The following ESRRA variants were observed in gnomAD, a reference collection of about 807,000 sequenced individuals.
ESRRA encodes steroid hormone receptor ERR1.
In ESRRA, 7 loss-of-function variants were observed where a neutral mutation model predicts 35.6. That is an observed-to-expected ratio of 0.20 (90% CI 0.11 to 0.37). The LOEUF (loss-of-function observed/expected upper bound fraction) is 0.37, where lower values mean the gene tolerates loss of function less well. Among genes scored for constraint, ESRRA ranks in the 10% least tolerant of loss-of-function variants. The pLI, the probability that ESRRA is intolerant of heterozygous loss-of-function variation, is 1.00. For synonymous variants in ESRRA, 223 were observed against 246.9 expected, an observed-to-expected ratio of 0.90 and a Z score of 0.91; for missense variants, 378 against 561.7, an observed-to-expected ratio of 0.67 and a Z score of 3.31.
chr11:64,307,084 C>T (rs529323532), intron 1 of ESRRA, 84 bp from the exon 2 acceptor site: 8 of 1,233,904 alleles, frequency 6.5e-6, no homozygotes, highest in Admixed American at 2.4e-5. Flanking sequence ...GCCCTAGGCC[C>T]GAGGTTGGGC....
At position 64,313,003 on chromosome 11, in the gene ESRRA, G is replaced by A. The variant is rs2035172364; in HGVS notation, c.326-948G>A. ...AGAAGGGAAATCCCCAGAGGGTTTT[G>A]AGAAGAGGAGGTACAGGATGTAATG... On this transcript the variant is annotated intron_variant, in intron 2 of 6. Transcript: ENST00000000442. The surrounding 1 kb of genome is among the most constrained non-coding windows in gnomAD (Gnocchi z 4.0). Among the ~76,000 whole-genome samples the A allele has an allele frequency of 6.6e-6, 1 of 152,176 alleles. No individual in the cohort carries two copies. Among genetic ancestry groups the A allele is most frequent in the Non-Finnish European group, 1.5e-5 (1 of 68,030 alleles).
At chr11:64,307,845 G>A (rs1342581212) in intron 2 of ESRRA, among the ~76,000 whole-genome samples, 2 of 152,038 alleles carry the variant, frequency 1.3e-5, no homozygotes, top group African/African-American at 4.8e-5. Flanking sequence ...CATAGAACAT[G>A]TCCCCTTTTT....
chr11:64,315,391 G>C, intron 6 of ESRRA, 121 bp downstream of exon 6: 1 of 1,230,764 alleles, frequency 8.1e-7, no homozygotes, highest in Non-Finnish European at 1.1e-6. Context: ...GAAGAACAAT[G>C]ACTTGCTAGA....
Position 64,315,877 on chromosome 11 carries a change from G to C in ESRRA, c.1183G>C (p.Val395Leu). The C allele has an allele frequency of 6.2e-7, 1 of 1,609,820 alleles. No individual in the cohort carries two copies. Among genetic ancestry groups the C allele is most frequent in the East Asian group, 2.2e-5 (1 of 44,780 alleles). The change falls in exon 7 of 7, where the codon GTG (valine) becomes CTG (leucine). Residue 395 changes from valine to leucine, a missense_variant. Val to Leu is a conservative substitution (Grantham distance 32). This residue lies in a region of ESRRA where 284 missense variants were observed against 411.7 expected (regional missense o/e 0.69). Transcript: ENST00000000442. ...GCTCCTCCGCCAGACAGCGGGCAAA[G>C]TGCTGGCCCATTTCTATGGGGTGAA... ...LPLLRQTAGK[V>L]LAHFYGVKLE...
At position 64,313,919 on chromosome 11, in the gene ESRRA, GC is replaced by G; in HGVS notation, c.326-30del. The G allele has an allele frequency of 6.8e-7, 1 of 1,477,084 alleles. No individual in the cohort carries two copies. The highest frequency in any genetic ancestry group is 9.2e-7 in the Non-Finnish European group (1 of 1,088,750). 91.5% of individuals were successfully genotyped at this position (1,477,084 alleles called of 1,614,324 possible). A position where few individuals can be genotyped will look rare whatever the true frequency, so the allele number is the denominator to read the frequency against. On this transcript the variant is annotated intron_variant, in intron 2 of 6. Transcript: ENST00000000442. The surrounding 1 kb of genome is among the most constrained non-coding windows in gnomAD (Gnocchi z 4.0). ...CTGGGTCCCCTCCCAGCCCCGGGAG[GC>G]CGCCACTGGAGCCCTGCCTCTTCCT...
At position 64,306,949 on chromosome 11, in the gene ESRRA, G is replaced by A. The variant is rs1309865624; in HGVS notation, c.-12-219G>A. The A allele has an allele frequency of 7.3e-6, 3 of 413,762 alleles. No individual in the cohort carries two copies. In the Admixed American group the frequency reaches 1.3e-4, roughly 18 times the overall value. 25.6% of individuals were successfully genotyped at this position (413,762 alleles called of 1,614,324 possible). ...CCCCAGGTTCCCAAGGGGGAGACCTGCTGTCAGTTACTGGCCCTGAAGACT... is the reference window on the plus strand; with the variant it reads ...CCCCAGGTTCCCAAGGGGGAGACCTACTGTCAGTTACTGGCCCTGAAGACT... On this transcript the variant is annotated intron_variant, in intron 1 of 6. Coordinates refer to ENST00000000442, the MANE Select transcript of ESRRA (RefSeq NM_004451.5).
In ESRRA at chr11:64,313,830, T is replaced by G; in HGVS notation, c.326-121T>G. The stretch of plus-strand genomic sequence containing the variant: ...CCTGCCTGCTCATGGCCCCCTGCTC[T>G]CCCTTTCCTCCCCATACCCCCAGAC... On this transcript the variant is annotated intron_variant, in intron 2 of 6. Coordinates refer to ENST00000000442, the MANE Select transcript of ESRRA (RefSeq NM_004451.5). The surrounding 1 kb of genome is among the most constrained non-coding windows in gnomAD (Gnocchi z 4.0). The G allele has an allele frequency of 4.7e-6, 3 of 643,354 alleles. No individual in the cohort carries two copies. The highest frequency in any genetic ancestry group is 8.0e-6 in the Non-Finnish European group (3 of 375,236). 39.9% of individuals were successfully genotyped at this position (643,354 alleles called of 1,614,324 possible).
rs915908870 is a variant in ESRRA, at chr11:64,316,403, CCTCCT to C, written c.*441_*445del. The C allele has an allele frequency of 4.1e-5, 8 of 193,476 alleles. No homozygotes were observed. Among genetic ancestry groups the C allele is most frequent in the Non-Finnish European group, 8.7e-5 (8 of 92,036 alleles). The allele number at this position is 193,476 out of a possible 1,614,324, so 12.0% of individuals were successfully genotyped here. On this transcript the variant is annotated 3_prime_UTR_variant, in exon 7 of 7. Coordinates refer to ENST00000000442, the MANE Select transcript of ESRRA (RefSeq NM_004451.5). ...AGCAAAGGCCCATGCCCCCTTCGCT[CCTCCT>C]CTCATCATTTGCATTGGGCATTAGT...
Position 64,314,747 on chromosome 11 carries a change from C to G in ESRRA, c.578C>G (p.Pro193Arg). The change falls in exon 5 of 7, where the codon CCA becomes CGA. Residue 193 changes from proline to arginine, a missense_variant. Physicochemically the swap from Pro to Arg is moderately radical, Grantham distance 103 (BLOSUM62 -2). Transcript: ENST00000000442. ...VAGGPRKTAA[P>R]VNALVSHLLV... ...TGTCCTCTAATTGTCACAGCAGCCC[C>G]AGTGAATGCACTGGTGTCTCATCTG... The G allele has an allele frequency of 6.2e-7, 1 of 1,611,296 alleles. No homozygotes were observed. Among genetic ancestry groups the G allele is most frequent in the Non-Finnish European group, 8.5e-7 (1 of 1,179,518 alleles).
chr11:64,308,290 G>A (rs1459684014), intron 2 of ESRRA, among the ~76,000 whole-genome samples: 8 of 152,082 alleles, frequency 5.3e-5, no homozygotes, highest in East Asian at 3.9e-4. Flanking sequence ...CAAGGTGGGC[G>A]GATCACCTGA....
In ESRRA at chr11:64,316,708, T is replaced by C. The variant is rs2035279369; in HGVS notation, c.*742T>C. On this transcript the variant is annotated 3_prime_UTR_variant, in exon 7 of 7. Transcript: ENST00000000442. ...GAAACCGCTTTTGGTTTTAAACCTT[T>C]AATGAGAAAAAAATATATAATACCG... is the stretch of plus-strand genomic sequence containing the variant. 3.2e-6 allele frequency: 2 copies of C among 626,030 alleles called. No homozygotes were observed. Among genetic ancestry groups the C allele is most frequent in the South Asian group, 4.0e-5 (2 of 49,964 alleles). The allele number at this position is 626,030 out of a possible 1,614,324, so 38.8% of individuals were successfully genotyped here.
At position 64,307,276 on chromosome 11, in the gene ESRRA, C is replaced by A. The variant is rs781025976; in HGVS notation, c.97C>A (p.Pro33Thr). 2.0e-5 allele frequency: 33 copies of A among 1,613,364 alleles called. No homozygotes were observed. The highest frequency in any genetic ancestry group is 1.0e-4 in the Admixed American group (6 of 59,984). Residue 33 changes from proline to threonine, a missense_variant, in exon 2 of 7, where the codon CCT becomes ACT. Transcript: ENST00000000442. ...PKGSSETETE[P>T]PVALAPGPAP... Reference sequence around the variant, plus strand: ...GGGTTCCTCGGAGACAGAGACCGAGCCTCCTGTGGCCCTGGCCCCTGGTCC... The same window carrying A: ...GGGTTCCTCGGAGACAGAGACCGAGACTCCTGTGGCCCTGGCCCCTGGTCC...
Position 64,305,979 on chromosome 11 carries a change from G to A in ESRRA, c.-13+243G>A, listed in dbSNP as rs371705706. Among the ~76,000 whole-genome samples the A allele has an allele frequency of 7.9e-5, 12 of 152,208 alleles. No individual in the cohort carries two copies. In the South Asian group the frequency reaches 1.9e-3, roughly 24 times the overall value. ...TGGCTCTGGCTGCGGGTCCTGACTC[G>A]GGTCAGGGTTGGGCCTCCGATCCAG... On this transcript the variant is annotated intron_variant, in intron 1 of 6. Coordinates refer to ENST00000000442, the MANE Select transcript of ESRRA (RefSeq NM_004451.5). This position sits in a 1 kb window ranked among gnomAD's most constrained non-coding sequence, Gnocchi z 5.8.
intron 1 of ESRRA, chr11:64,306,519 A>G (rs1202829055): frequency 1.3e-5 from 2 of 152,616 alleles, no homozygotes; most frequent in Non-Finnish European, 2.9e-5. Flanking sequence ...ACCTAGTGAG[A>G]GTGTGTGTGA....
chr11:64,305,611 C>T lies in ESRRA; in HGVS notation c.-138C>T, dbSNP rs1292390603. The T allele has an allele frequency of 6.6e-6, 1 of 150,784 alleles. No individual in the cohort carries two copies. The highest frequency in any genetic ancestry group is 1.5e-5 in the Non-Finnish European group (1 of 67,660). 9.3% of individuals were successfully genotyped at this position (150,784 alleles called of 1,614,324 possible). A position where few individuals can be genotyped will look rare whatever the true frequency, so the allele number is the denominator to read the frequency against. ...GGCGGCGCCGCCGAGTGAGGGGACG[C>T]GGCGCGGTGGGGCGGCGCGGCCCGA... On this transcript the variant is annotated 5_prime_UTR_variant, in exon 1 of 7. Transcript: ENST00000000442. The surrounding 1 kb of genome is among the most constrained non-coding windows in gnomAD (Gnocchi z 5.8).
intron 2 of ESRRA, among the ~76,000 whole-genome samples, chr11:64,309,047 G>A (rs1396336332): frequency 1.8e-4 from 28 of 151,960 alleles, no homozygotes; most frequent in Non-Finnish European, 2.9e-5. Flanking sequence ...GGAGGCAGAG[G>A]TTGCAATGAG....
intron 3 of ESRRA, 45 bp from the exon 4 acceptor site, chr11:64,314,194 G>T: frequency 6.3e-7 from 1 of 1,580,308 alleles, no homozygotes. Context: ...GCCCCACCCT[G>T]CCCACAGCAC....
Position 64,316,251 on chromosome 11 carries a change from C to T in ESRRA, c.*285C>T, listed in dbSNP as rs1156918795. 4 of 353,052 alleles carry T rather than the reference C, an allele frequency of 1.1e-5. No individual in the cohort carries two copies. The highest frequency in any genetic ancestry group is 5.2e-6 in the Non-Finnish European group (1 of 191,868). 21.9% of individuals were successfully genotyped at this position (353,052 alleles called of 1,614,324 possible). A position where few individuals can be genotyped will look rare whatever the true frequency, so the allele number is the denominator to read the frequency against. Reference sequence around the variant, plus strand: ...CTTGCGGAAGCCATAGGGGGCTGCACGGGATGCGTGGGAGGCAGAAACCTA... The same window carrying T: ...CTTGCGGAAGCCATAGGGGGCTGCATGGGATGCGTGGGAGGCAGAAACCTA... On this transcript the variant is annotated 3_prime_UTR_variant, in exon 7 of 7. Coordinates refer to ENST00000000442, the MANE Select transcript of ESRRA (RefSeq NM_004451.5).
At chr11:64,306,863 C>T (rs1045841847) in intron 1 of ESRRA, 3 of 279,026 alleles carry the variant, frequency 1.1e-5, no homozygotes, top group Non-Finnish European at 2.0e-5. Context: ...TTGAAGGTTG[C>T]CTGGGGGCTA....
Sources: allele counts gnomAD v4.1 joint callset (sites outside exome capture counted in the v4.1 genomes callset), GRCh38; gene constraint gnomAD v4.1.1; regional missense constraint gnomAD v4.1.1; non-coding constraint Gnocchi (gnomAD v3.1); transcripts MANE v1.5; gene names NCBI Gene and HGNC (gene_info 2026-07-23, HGNC 2026-07-21).